Variants in RARB observed in about 807,000 individuals in gnomAD.
The protein encoded by RARB is HBV-activated protein.
In RARB, 17 loss-of-function variants were observed where a neutral mutation model predicts 51.9. The observed-to-expected ratio is 0.33, with a 90% CI of 0.22 to 0.49. The LOEUF is 0.49. RARB is among the 20% of genes least tolerant of loss of function. RARB has a pLI of 0.99. For synonymous variants in RARB, 215 were observed against 195.4 expected (o/e 1.10, Z -0.84); for missense variants, 369 against 550.8 (o/e 0.67, Z 3.30).
intron 4 of RARB, among the ~76,000 whole-genome samples, chr3:25,153,135 A>AGTGTGTGTGTGTGT (rs59786696): frequency 2.0e-5 from 3 of 149,642 alleles, no homozygotes; most frequent in Non-Finnish European, 3.0e-5. Flanking sequence ...ATAGAGGCAG[A>AGTGTGTGTGTGTGT]GTGTGTGTGT....
rs149819938 is a variant in RARB at position 25,149,873 on chromosome 3, C to G, written c.-280+17665C>G. On this transcript the variant is annotated intron_variant, in intron 4 of 11. Transcript: ENST00000383772. ...ACTTAATGAAATTTTAACAACTTTA[C>G]CCATATGCATAAGCAGCAGAACATT... Among the ~76,000 whole-genome samples, 765 of 152,188 alleles carry G rather than the reference C, an allele frequency of 5.0e-3. 3 individuals carry two copies. The highest frequency in any genetic ancestry group is 8.8e-3 in the Non-Finnish European group (599 of 68,016).
chr3:25,531,028 C>T (rs1018080132), intron 3 of RARB, among the ~76,000 whole-genome samples: 3 of 151,926 alleles, frequency 2.0e-5, no homozygotes, highest in Admixed American at 1.3e-4. Context: ...ACATAATTGC[C>T]GGAAACACAG....
At chr3:25,162,641 T>C (rs1700491291) in intron 4 of RARB, among the ~76,000 whole-genome samples, 1 of 152,240 alleles carries the variant, frequency 6.6e-6, no homozygotes, top group African/African-American at 2.4e-5. Context: ...AAGATTTGCC[T>C]ATTTTAGACA....
intron 2 of RARB, among the ~76,000 whole-genome samples, chr3:25,044,098 T>C (rs779313435): frequency 6.6e-6 from 1 of 152,134 alleles, no homozygotes; most frequent in Non-Finnish European, 1.5e-5. Flanking sequence ...CAACAGAAGG[T>C]AAACAAGTTC....
At chr3:24,835,467 G>A (rs1702332522) in intron 1 of RARB, among the ~76,000 whole-genome samples, 1 of 152,150 alleles carries the variant, frequency 6.6e-6, no homozygotes, top group African/African-American at 2.4e-5. Context: ...TTTAAATGAT[G>A]ATTACTAATA....
chr3:25,585,590 C>A (rs754193949), intron 5 of RARB, among the ~76,000 whole-genome samples: 2 of 152,200 alleles, frequency 1.3e-5, no homozygotes, highest in East Asian at 3.9e-4. Context: ...TCATATCAGC[C>A]CCGTGGGCAA....
chr3:24,958,592 G>A (rs1380121454), intron 2 of RARB, among the ~76,000 whole-genome samples: 1 of 152,096 alleles, frequency 6.6e-6, no homozygotes, highest in Non-Finnish European at 1.5e-5. Flanking sequence ...ACTGACTGTA[G>A]TCAGCGCTAG....
intron 4 of RARB, among the ~76,000 whole-genome samples, chr3:25,158,776 G>A (rs1176171076): frequency 2.0e-5 from 3 of 152,136 alleles, no homozygotes; most frequent in African/African-American, 7.2e-5. Context: ...TCCAGTGCAG[G>A]CACGTAGGAA....
chr3:24,936,878 C>T (rs140065906), intron 2 of RARB, among the ~76,000 whole-genome samples: 10 of 152,158 alleles, frequency 6.6e-5, no homozygotes, highest in South Asian at 2.1e-4. Flanking sequence ...GAATGGTCTC[C>T]GGTTAATTAA....
chr3:25,491,964 T>A (rs1298455088), intron 2 of RARB, among the ~76,000 whole-genome samples: 1 of 149,810 alleles, frequency 6.7e-6, no homozygotes, highest in Non-Finnish European at 1.5e-5. Context: ...AATTATAAAA[T>A]TATTTTGAAT....
intron 2 of RARB, among the ~76,000 whole-genome samples, chr3:25,047,081 A>G (rs1325517489): frequency 2.6e-5 from 4 of 152,190 alleles, no homozygotes; most frequent in Admixed American, 2.6e-4. Context: ...GTGGCAAATG[A>G]TAATATTATT....
intron 5 of RARB, among the ~76,000 whole-genome samples, chr3:25,339,851 A>G (rs1705177588): frequency 6.6e-6 from 1 of 152,176 alleles, no homozygotes; most frequent in Admixed American, 6.5e-5. Context: ...CTGGGAAAAG[A>G]TCATCCTCAA....
At chr3:25,345,083 C>T (rs1040277389) in intron 5 of RARB, among the ~76,000 whole-genome samples, 6 of 152,062 alleles carry the variant, frequency 3.9e-5, no homozygotes, top group Non-Finnish European at 7.4e-5. Context: ...TTTGACTTAC[C>T]GCCTTGTAGA....
intron 5 of RARB, among the ~76,000 whole-genome samples, chr3:25,261,159 A>C (rs746930332): frequency 6.6e-6 from 1 of 152,146 alleles, no homozygotes; most frequent in Non-Finnish European, 1.5e-5. Context: ...TTTAGCACAT[A>C]ATGAATACTC....
chr3:24,937,786 T>C (rs1314510451), intron 2 of RARB, among the ~76,000 whole-genome samples: 6 of 152,134 alleles, frequency 3.9e-5, no homozygotes, highest in Non-Finnish European at 8.8e-5. Context: ...TTGTTTGGCA[T>C]GCAGAGTTTT....
At chr3:25,099,965 T>C (rs1200100482) in intron 3 of RARB, among the ~76,000 whole-genome samples, 1 of 152,216 alleles carries the variant, frequency 6.6e-6, no homozygotes, top group Non-Finnish European at 1.5e-5. Flanking sequence ...TTAATTTACT[T>C]TAAAATATCA....
intron 5 of RARB, among the ~76,000 whole-genome samples, chr3:25,256,835 GAAGAT>G (rs1347599680): frequency 1.3e-5 from 2 of 150,950 alleles, no homozygotes; most frequent in Admixed American, 6.6e-5. Flanking sequence ...CCAAGAATGT[GAAGAT>G]AAGAGGTGGC....
intron 3 of RARB, among the ~76,000 whole-genome samples, chr3:25,526,213 A>T (rs1698638911): frequency 1.3e-5 from 2 of 152,168 alleles, no homozygotes; most frequent in Non-Finnish European, 2.9e-5. Context: ...GTCTTCTGGG[A>T]ACCCAAATGA....
intron 2 of RARB, chr3:25,025,138 C>T (rs1355932301): frequency 1.3e-5 from 2 of 152,082 alleles, no homozygotes; most frequent in Non-Finnish European, 1.5e-5. Context: ...AAGTTGTAAG[C>T]ATTCTTATGA....
Sources: gnomAD v4.1 joint callset for allele counts (sites outside exome capture counted in the v4.1 genomes callset) on GRCh38, gnomAD v4.1.1 for gene constraint, MANE v1.5 for transcripts, NCBI Gene and HGNC (gene_info 2026-07-23, HGNC 2026-07-21) for gene names.